Variants in SGCD observed in about 807,000 individuals in gnomAD.
SGCD encodes sarcoglycan delta.
SGCD carries 18 observed loss-of-function variants against 36.6 expected under a neutral mutation model. The ratio of observed to expected loss-of-function variants is 0.49; its 90% CI spans 0.34 to 0.73. SGCD has a LOEUF of 0.73. SGCD is among the 30% of genes least tolerant of loss of function. The pLI, the probability that SGCD is intolerant of heterozygous loss-of-function variation, is 0.01. For synonymous variants in SGCD, 133 were observed against 130.6 expected, an observed-to-expected ratio of 1.02 and a Z score of -0.12; for missense variants, 387 against 346.7, an observed-to-expected ratio of 1.12 and a Z score of -0.92.
At chr5:156,646,759 C>G (rs1763240353) in intron 6 of SGCD, among the ~76,000 whole-genome samples, 1 of 152,140 alleles carries the variant, frequency 6.6e-6, no homozygotes, top group Non-Finnish European at 1.5e-5. Context: ...TTTGAAAACA[C>G]TTTGGGAGCA....
chr5:156,629,312 A>G (rs1762544450), intron 6 of SGCD, among the ~76,000 whole-genome samples: 1 of 152,220 alleles, frequency 6.6e-6, no homozygotes, highest in Non-Finnish European at 1.5e-5. Context: ...TACTGGGGAC[A>G]TAATAAGGTG....
At chr5:156,558,103 A>G (rs890532895) in intron 4 of SGCD, among the ~76,000 whole-genome samples, 2 of 129,278 alleles carry the variant, frequency 1.5e-5, no homozygotes, top group African/African-American at 5.9e-5. Context: ...ATATATATAT[A>G]TATATATATA....
chr5:155,851,115 T>G, the SGCD span, among the ~76,000 whole-genome samples: 8 of 152,212 alleles, frequency 5.3e-5, no homozygotes, highest in African/African-American at 1.7e-4. Flanking sequence ...TCTGAGAAAT[T>G]TAATCTACAT....
At chr5:156,240,367 C>G (rs1280531203) in intron 3 of SGCD, among the ~76,000 whole-genome samples, 3 of 152,102 alleles carry the variant, frequency 2.0e-5, no homozygotes, top group African/African-American at 7.2e-5. Flanking sequence ...CCCTATCAGT[C>G]TGAATGCTTG....
the SGCD span, among the ~76,000 whole-genome samples, chr5:155,740,657 C>T: frequency 6.6e-6 from 1 of 151,914 alleles, no homozygotes; most frequent in East Asian, 1.9e-4. Flanking sequence ...AGCAGCTATA[C>T]TCTTTGTAAT....
At chr5:156,053,020 A>C (rs942204273) in intron 1 of SGCD, among the ~76,000 whole-genome samples, 1 of 146,416 alleles carries the variant, frequency 6.8e-6, no homozygotes, top group African/African-American at 2.5e-5. Context: ...CCTCGTCCAC[A>C]GCAAACAGGC....
At chr5:156,591,265 A>G (rs1482481796) in intron 5 of SGCD, among the ~76,000 whole-genome samples, 1 of 152,240 alleles carries the variant, frequency 6.6e-6, no homozygotes. Flanking sequence ...CCTGAGGAAT[A>G]AAGAATTCTG....
At chr5:155,939,838 CTTT>C (rs78904259) in intron 1 of SGCD, among the ~76,000 whole-genome samples, 16 of 139,744 alleles carry the variant, frequency 1.1e-4, no homozygotes, top group Admixed American at 4.3e-4. Flanking sequence ...CCAAATGTCT[CTTT>C]TTTTTTTTTT....
At chr5:156,128,399 G>C (rs1197485515) in intron 3 of SGCD, among the ~76,000 whole-genome samples, 1 of 152,208 alleles carries the variant, frequency 6.6e-6, no homozygotes, top group South Asian at 2.1e-4. Flanking sequence ...TTATCAGACA[G>C]GATTGAAAAC....
At chr5:156,496,515 A>G (rs80048050) in intron 3 of SGCD, among the ~76,000 whole-genome samples, 2,664 of 152,220 alleles carry the variant, frequency 0.018, 72 homozygotes, top group African/African-American at 0.061. Flanking sequence ...TTTTTGGCTA[A>G]TAGAGACTTT....
intron 3 of SGCD, among the ~76,000 whole-genome samples, chr5:156,247,066 G>A (rs1765457268): frequency 6.6e-6 from 1 of 152,164 alleles, no homozygotes; most frequent in Non-Finnish European, 1.5e-5. Flanking sequence ...TTTGAAAATA[G>A]GAAGTGATAA....
At chr5:155,836,008 G>C in the SGCD span, among the ~76,000 whole-genome samples, 5 of 152,110 alleles carry the variant, frequency 3.3e-5, no homozygotes, top group Non-Finnish European at 5.9e-5. Context: ...GTGGTTTCAG[G>C]CATCCACTGG....
chr5:156,730,550 A>G (rs1415553620), intron 7 of SGCD, among the ~76,000 whole-genome samples: 2 of 152,152 alleles, frequency 1.3e-5, no homozygotes, highest in Non-Finnish European at 2.9e-5. Context: ...TGCAAAGGAT[A>G]TGATTTCATT....
At chr5:156,247,459 A>T (rs1765466295) in intron 3 of SGCD, among the ~76,000 whole-genome samples, 1 of 152,214 alleles carries the variant, frequency 6.6e-6, no homozygotes, top group Non-Finnish European at 1.5e-5. Context: ...GTAGAACAAG[A>T]AGAATGTAGG....
chr5:155,764,928 G>A, the SGCD span, among the ~76,000 whole-genome samples: 1 of 152,136 alleles, frequency 6.6e-6, no homozygotes, highest in Non-Finnish European at 1.5e-5. Context: ...TCGATTGGAA[G>A]CCATCTTTTC....
chr5:155,857,431 T>C, the SGCD span, among the ~76,000 whole-genome samples: 20 of 152,256 alleles, frequency 1.3e-4, 1 homozygote, highest in Admixed American at 1.3e-4. Context: ...GATCTATCCA[T>C]GAAATGAAAT....
At chr5:156,423,371 T>G (rs1414830138) in intron 3 of SGCD, among the ~76,000 whole-genome samples, 2 of 107,534 alleles carry the variant, frequency 1.9e-5, no homozygotes, top group Non-Finnish European at 3.5e-5. Flanking sequence ...ATATATTATA[T>G]TTTATTATAA....
intron 3 of SGCD, among the ~76,000 whole-genome samples, chr5:156,150,484 G>T (rs1762807852): frequency 6.6e-6 from 1 of 151,704 alleles, no homozygotes; most frequent in Non-Finnish European, 1.5e-5. Flanking sequence ...ACTGGACTAT[G>T]ATGTTCCTTA....
Position 155,908,771 on chromosome 5 carries a change from A to T in SGCD, c.-282+38347A>T, listed in dbSNP as rs562463990. Among the ~76,000 whole-genome samples the T allele has an allele frequency of 4.6e-5, 7 of 152,102 alleles. No individual in the cohort carries two copies. In the South Asian group the frequency reaches 1.5e-3, roughly 32 times the overall value. ...ACTTTGGTTCTCTTTCGGGCTGGGG[A>T]CCTGACCCAGGACTATAACAAATTA... On this transcript the variant is annotated intron_variant, in intron 1 of 9. Coordinates refer to the SGCD transcript ENST00000517913.
Sources: allele counts gnomAD v4.1 joint callset (sites outside exome capture counted in the v4.1 genomes callset), GRCh38; gene constraint gnomAD v4.1.1; transcripts MANE v1.5; gene names NCBI Gene and HGNC (gene_info 2026-07-23, HGNC 2026-07-21).